Variants in CD38 observed in about 807,000 individuals in gnomAD.
CD38 encodes the protein ADP-ribosyl cyclase/cyclic ADP-ribose hydrolase 1.
In CD38, 31 loss-of-function variants were observed where a neutral mutation model predicts 36.3. The observed-to-expected ratio is 0.85, with a 90% confidence interval of 0.64 to 1.15. The LOEUF is 1.15. Ranked by LOEUF, CD38 falls within the 50% of genes most tolerant of loss-of-function variation. The probability of loss-of-function intolerance (pLI) is 0.00; values close to 1 mark genes in which losing one functional copy is unlikely to be tolerated. For synonymous variants in CD38, 131 were observed against 135.2 expected (o/e 0.97, Z 0.22); for missense variants, 380 against 371.9 (o/e 1.02, Z -0.18).
chr4:15,818,588 C>A (rs529055434), intron 2 of CD38, among the ~76,000 whole-genome samples: 3 of 152,294 alleles, frequency 2.0e-5, no homozygotes, highest in Admixed American at 1.3e-4. Context: ...TCGATAGACA[C>A]CTCATACAGG....
rs150991086 is a variant in CD38, at chr4:15,792,467, AG to A, written c.233+13821del. 5.9e-4 allele frequency among the ~76,000 whole-genome samples: 88 copies of A among 149,246 alleles called. 1 individual carries two copies. Among genetic ancestry groups the A allele is most frequent in the African/African-American group, 1.7e-3 (67 of 40,174 alleles). ...AAAAGGAATGAATCAAGAAAAAAAA[AG>A]AAAAGAAAAGAAAAGCAGCAAGCCA... On this transcript the variant is annotated intron_variant, in intron 1 of 7. Transcript: ENST00000226279.
rs1724393926 is a variant in CD38, at chr4:15,851,892, A to T, written c.*3290A>T. ...TTCCTCCTAGGCTACAAGCCTGTACAGCGTGTGTCTGTACTAAATGCTGTG... is the reference window on the plus strand; with the variant it reads ...TTCCTCCTAGGCTACAAGCCTGTACTGCGTGTGTCTGTACTAAATGCTGTG... On this transcript the variant is annotated 3_prime_UTR_variant, in exon 8 of 8. Transcript: ENST00000226279. The T allele has an allele frequency of 6.6e-6, 1 of 152,228 alleles. No homozygotes were observed. Among genetic ancestry groups the T allele is most frequent in the South Asian group, 2.1e-4 (1 of 4,836 alleles). The allele number at this position is 152,228 out of a possible 1,614,324, so 9.4% of individuals were successfully genotyped here.
chr4:15,847,567 AT>A (rs1401088865), intron 7 of CD38, among the ~76,000 whole-genome samples: 2 of 117,858 alleles, frequency 1.7e-5, no homozygotes, highest in Admixed American at 1.7e-4. Context: ...AATAAAAAAA[AT>A]AAAAAATAAA....
intron 1 of CD38, among the ~76,000 whole-genome samples, chr4:15,814,831 A>T: frequency 6.8e-6 from 1 of 146,472 alleles, no homozygotes. Flanking sequence ...TTTTGAGATG[A>T]GATCTCGCTC....
intron 1 of CD38, among the ~76,000 whole-genome samples, chr4:15,793,007 A>G (rs1003533634): frequency 2.6e-5 from 4 of 152,188 alleles, no homozygotes; most frequent in African/African-American, 9.7e-5. Flanking sequence ...ATCTTGTAGA[A>G]TTTCCCACCT....
At chr4:15,819,187 G>C (rs542844634) in intron 2 of CD38, among the ~76,000 whole-genome samples, 2 of 152,282 alleles carry the variant, frequency 1.3e-5, no homozygotes, top group African/African-American at 4.8e-5. Context: ...GGCCTGTCAG[G>C]GGTGGGTGCT....
At chr4:15,800,578 CT>C (rs1481614168) in intron 1 of CD38, among the ~76,000 whole-genome samples, 1 of 152,150 alleles carries the variant, frequency 6.6e-6, no homozygotes, top group Non-Finnish European at 1.5e-5. Context: ...ATCTCATAGG[CT>C]TTTTGAAGTA....
At chr4:15,786,835 G>C (rs1396469932) in intron 1 of CD38, among the ~76,000 whole-genome samples, 4 of 152,212 alleles carry the variant, frequency 2.6e-5, no homozygotes, top group Non-Finnish European at 4.4e-5. Context: ...GGGAGGGTGG[G>C]GGGAGGCTCA....
At chr4:15,818,547 C>T (rs1029273600) in intron 2 of CD38, among the ~76,000 whole-genome samples, 1 of 152,204 alleles carries the variant, frequency 6.6e-6, no homozygotes, top group Non-Finnish European at 1.5e-5. Context: ...ACCCCTGTGT[C>T]TCCTGACTGA....
At chr4:15,781,633 GC>G (rs1722698844) in intron 1 of CD38, among the ~76,000 whole-genome samples, 2 of 152,076 alleles carry the variant, frequency 1.3e-5, no homozygotes, top group Non-Finnish European at 2.9e-5. Flanking sequence ...ATTGGATGAG[GC>G]CCACCACATT....
At chr4:15,790,974 G>T (rs549961834) in intron 1 of CD38, among the ~76,000 whole-genome samples, 3 of 146,566 alleles carry the variant, frequency 2.0e-5, no homozygotes, top group African/African-American at 5.1e-5. Context: ...GAGCCCCTCC[G>T]TCCGGCGGCC....
At chr4:15,782,115 C>T (rs1300766317) in intron 1 of CD38, among the ~76,000 whole-genome samples, 1 of 152,226 alleles carries the variant, frequency 6.6e-6, no homozygotes, top group East Asian at 1.9e-4. Flanking sequence ...CATGTGGCCT[C>T]TCCATATGGT....
At chr4:15,802,491 G>GTTTTGTTTTA (rs896891502) in intron 1 of CD38, among the ~76,000 whole-genome samples, 3 of 134,110 alleles carry the variant, frequency 2.2e-5, no homozygotes, top group Non-Finnish European at 4.9e-5. Flanking sequence ...GCAATTGTTT[G>GTTTTGTTTTA]TTTTATTTTA....
At chr4:15,823,417 C>T (rs139043205) in intron 2 of CD38, among the ~76,000 whole-genome samples, 7,879 of 152,260 alleles carry the variant, frequency 0.052, 263 homozygotes, top group Non-Finnish European at 0.063. Context: ...TTTTTGCAAT[C>T]TATCCCTCTG....
intron 1 of CD38, among the ~76,000 whole-genome samples, chr4:15,785,921 T>G (rs964271457): frequency 1.3e-5 from 2 of 152,200 alleles, no homozygotes; most frequent in Non-Finnish European, 2.9e-5. Flanking sequence ...TCTGGTGGGC[T>G]CGTGGTCTCG....
Position 15,778,410 on chromosome 4 carries a change from G to A in CD38, c.-5G>A, listed in dbSNP as rs375423356. The A allele has an allele frequency of 8.7e-6, 14 of 1,610,472 alleles. No homozygotes were observed. The African/African-American group carries it at 1.5e-4, about 17-fold the overall frequency. ...CTTCGCCCAGCCAACCCCGCCTGGA[G>A]CCCTATGGCCAACTGCGAGTTCAGC... is the stretch of plus-strand genomic sequence containing the variant. On this transcript the variant is annotated 5_prime_UTR_variant, in exon 1 of 8. Transcript: ENST00000226279. The surrounding 1 kb of genome is among the most constrained non-coding windows in gnomAD (Gnocchi z 4.9).
intron 3 of CD38, among the ~76,000 whole-genome samples, chr4:15,828,763 G>A (rs1723900711): frequency 6.6e-6 from 1 of 152,092 alleles, no homozygotes; most frequent in Admixed American, 6.6e-5. Context: ...ATTGTAAATA[G>A]TGCTGCAATG....
At chr4:15,847,071 A>G (rs1724268871) in intron 7 of CD38, among the ~76,000 whole-genome samples, 1 of 21,060 alleles carries the variant, frequency 4.7e-5, no homozygotes. Context: ...ATATAACCAA[A>G]TGAGTATAAA....
intron 1 of CD38, among the ~76,000 whole-genome samples, chr4:15,790,559 C>G (rs1466586646): frequency 6.6e-6 from 1 of 152,124 alleles, no homozygotes; most frequent in Non-Finnish European, 1.5e-5. Context: ...GCCTTGGCCC[C>G]CCAAAGTGCC....
Sources: allele counts gnomAD v4.1 joint callset (sites outside exome capture counted in the v4.1 genomes callset), GRCh38; gene constraint gnomAD v4.1.1; non-coding constraint Gnocchi (gnomAD v3.1); transcripts MANE v1.5; gene names NCBI Gene and HGNC (gene_info 2026-07-23, HGNC 2026-07-21).